SP140: variants seen among roughly 807,000 people sequenced by gnomAD.
The protein encoded by SP140 is SP140 nuclear body protein.
SP140 carries 81 observed loss-of-function variants against 125.0 expected under a neutral mutation model. That is an observed-to-expected ratio of 0.65 (90% CI 0.54 to 0.78). The LOEUF is 0.78. Among genes scored for constraint, SP140 ranks in the 30% least tolerant of loss-of-function variants. SP140 has a pLI of 0.00. For synonymous variants in SP140, 312 were observed against 354.0 expected (o/e 0.88, Z 1.33); for missense variants, 858 against 1,037.0 (o/e 0.83, Z 2.37).
At chr2:230,306,199 A>C (rs1251399542) in intron 22 of SP140, among the ~76,000 whole-genome samples, 1 of 152,176 alleles carries the variant, frequency 6.6e-6, no homozygotes, top group Non-Finnish European at 1.5e-5. Flanking sequence ...ACCTGCTCTC[A>C]GGCCCAGAGC....
intron 3 of SP140, chr2:230,216,823 T>C: frequency 6.2e-7 from 1 of 1,614,112 alleles, no homozygotes; most frequent in Non-Finnish European, 8.5e-7. Flanking sequence ...CTAGGAGGCC[T>C]TCAAAGAAGG....
At chr2:230,191,049 G>A in the SP140 span, among the ~76,000 whole-genome samples, 1 of 152,038 alleles carries the variant, frequency 6.6e-6, no homozygotes, top group Non-Finnish European at 1.5e-5. Flanking sequence ...GATCTTCTTC[G>A]ATTCCATATG....
intron 1 of SP140, chr2:230,209,930 C>T (rs1393906401): frequency 2.5e-6 from 4 of 1,588,168 alleles, no homozygotes; most frequent in Non-Finnish European, 3.5e-6. Flanking sequence ...GCTTTTCTTA[C>T]CTTTCTTGTC....
At chr2:230,301,978 GGTA>G in intron 22 of SP140, among the ~76,000 whole-genome samples, 1 of 152,026 alleles carries the variant, frequency 6.6e-6, no homozygotes, top group African/African-American at 2.4e-5. Flanking sequence ...AGCAGGAGTA[GGTA>G]TTCTTACATC....
intron 18 of SP140, among the ~76,000 whole-genome samples, chr2:230,288,902 C>T (rs1326606152): frequency 2.0e-5 from 3 of 152,186 alleles, no homozygotes; most frequent in African/African-American, 2.4e-5. Context: ...CTAGTCTTTG[C>T]TATTGTGAAC....
At chr2:230,314,812 T>A (rs2059472786), downstream of SP140, among the ~76,000 whole-genome samples, 1 of 152,208 alleles carries the variant, frequency 6.6e-6, no homozygotes, top group African/African-American at 2.4e-5. Context: ...GGGCAGCACA[T>A]CCTTGAGAAG....
chr2:230,294,821 G>T (rs1302953809), intron 21 of SP140, among the ~76,000 whole-genome samples: 1 of 152,162 alleles, frequency 6.6e-6, no homozygotes, highest in African/African-American at 2.4e-5. Context: ...GCAACAAAAA[G>T]AATATTTCTT....
chr2:230,243,701 A>T lies in SP140; in HGVS notation c.491-30A>T, dbSNP rs910240199. 4 of 1,520,546 alleles carry T rather than the reference A, an allele frequency of 2.6e-6. No individual in the cohort carries two copies. In the African/African-American group the frequency reaches 5.5e-5, roughly 21 times the overall value. The allele number at this position is 1,520,546 out of a possible 1,614,324, so 94.2% of individuals were successfully genotyped here. ...GATGGCTTTTTGACCATAAATCAAG[A>T]CATCTAAGGGATTTCATTCCTTTCG... is the stretch of plus-strand genomic sequence containing the variant. On this transcript the variant is annotated intron_variant, in intron 4 of 26. Transcript: ENST00000392045.
intron 10 of SP140, among the ~76,000 whole-genome samples, chr2:230,252,400 G>A (rs2050508439): frequency 6.6e-6 from 1 of 152,084 alleles, no homozygotes; most frequent in Non-Finnish European, 1.5e-5. Flanking sequence ...AGTGGGGCAA[G>A]GACATAAAGC....
intron 1 of SP140, among the ~76,000 whole-genome samples, chr2:230,228,434 A>T (rs2046769687): frequency 1.3e-5 from 2 of 152,192 alleles, no homozygotes. Flanking sequence ...GGTCAACTAC[A>T]CCCTTACTGA....
chr2:230,209,402 G>T (rs1207513300), intron 1 of SP140, among the ~76,000 whole-genome samples: 1 of 152,146 alleles, frequency 6.6e-6, no homozygotes, highest in East Asian at 1.9e-4. Context: ...GCTTTTGAAA[G>T]GATTATTGGG....
At chr2:230,210,707 G>C (rs537793036) in intron 1 of SP140, among the ~76,000 whole-genome samples, 1 of 152,302 alleles carries the variant, frequency 6.6e-6, no homozygotes, top group African/African-American at 2.4e-5. Context: ...AACAAATAAA[G>C]GCTCATCTCA....
chr2:230,225,360 C>G (rs2046196485), upstream of SP140, among the ~76,000 whole-genome samples: 1 of 152,194 alleles, frequency 6.6e-6, no homozygotes, highest in African/African-American at 2.4e-5. Flanking sequence ...CTCCCTGGCC[C>G]CATGTCCAAA....
At chr2:230,226,098 A>G (rs892747611) in intron 1 of SP140, among the ~76,000 whole-genome samples, 195 bp downstream of exon 1, 1 of 152,176 alleles carries the variant, frequency 6.6e-6, no homozygotes, top group Non-Finnish European at 1.5e-5. Flanking sequence ...CGTGACTCAC[A>G]TCATCTTCCT....
chr2:230,285,896 T>C (rs2056320028), intron 17 of SP140, 64 bp downstream of exon 17: 1 of 1,233,440 alleles, frequency 8.1e-7, no homozygotes, highest in South Asian at 1.2e-5. Flanking sequence ...ACTGAGGTAT[T>C]GACGAGCCTA....
intron 22 of SP140, among the ~76,000 whole-genome samples, chr2:230,303,036 C>A (rs574989887): frequency 3.2e-4 from 48 of 151,736 alleles, no homozygotes; most frequent in Non-Finnish European, 5.4e-4. Flanking sequence ...CCAAACCCAG[C>A]AGAAGAAAAG....
downstream of SP140, among the ~76,000 whole-genome samples, chr2:230,316,079 G>A (rs1485809857): frequency 2.6e-5 from 4 of 152,166 alleles, no homozygotes; most frequent in South Asian, 2.1e-4. Flanking sequence ...ATCCTGCTCC[G>A]TGTTACAATA....
intron 8 of SP140, among the ~76,000 whole-genome samples, chr2:230,248,629 A>G (rs531838006): frequency 1.1e-4 from 16 of 152,302 alleles, no homozygotes; most frequent in South Asian, 1.0e-3. Context: ...GAAACAGGAG[A>G]CAAGAGAAGC....
At chr2:230,234,438 C>A (rs2047684191) in intron 1 of SP140, among the ~76,000 whole-genome samples, 1 of 152,192 alleles carries the variant, frequency 6.6e-6, no homozygotes, top group African/African-American at 2.4e-5. Flanking sequence ...GGTGCATGAG[C>A]AAAATATTCT....
Sources: allele counts gnomAD v4.1 joint callset (sites outside exome capture counted in the v4.1 genomes callset), GRCh38; gene constraint gnomAD v4.1.1; transcripts MANE v1.5; gene names NCBI Gene and HGNC (gene_info 2026-07-23, HGNC 2026-07-21).